The following RAB38 variants were observed in gnomAD, a reference collection of about 807,000 sequenced individuals.
The protein encoded by RAB38 is ras-related protein Rab-38.
In RAB38, 15 loss-of-function variants were observed where a neutral mutation model predicts 18.4. The observed-to-expected ratio is 0.82, with a 90% CI of 0.55 to 1.26. RAB38 has a LOEUF of 1.26. Ranked by LOEUF, RAB38 falls within the 50% of genes most tolerant of loss-of-function variation. The probability of loss-of-function intolerance (pLI) is 0.00; values close to 1 mark genes in which losing one functional copy is unlikely to be tolerated. For missense variants in RAB38, 294 were observed against 267.4 expected, an observed-to-expected ratio of 1.10 and a Z score of -0.69; for synonymous variants, 101 against 104.4, an observed-to-expected ratio of 0.97 and a Z score of 0.20.
At chr11:88,056,927 C>T in the RAB38 span, among the ~76,000 whole-genome samples, 2 of 152,156 alleles carry the variant, frequency 1.3e-5, no homozygotes, top group Admixed American at 6.5e-5. Flanking sequence ...TATATTAATG[C>T]TTATCTCCCA....
At chr11:88,007,150 A>G in the RAB38 span, among the ~76,000 whole-genome samples, 1 of 151,812 alleles carries the variant, frequency 6.6e-6, no homozygotes, top group Non-Finnish European at 1.5e-5. Flanking sequence ...ATAAATAAAA[A>G]GATAAAATTA....
the RAB38 span, among the ~76,000 whole-genome samples, chr11:87,876,449 T>C: frequency 6.6e-6 from 1 of 151,572 alleles, no homozygotes; most frequent in Non-Finnish European, 1.5e-5. Context: ...TTTGTATATC[T>C]AGTTCTGTCT....
At chr11:87,864,386 T>A in the RAB38 span, among the ~76,000 whole-genome samples, 1 of 151,072 alleles carries the variant, frequency 6.6e-6, no homozygotes, top group African/African-American at 2.4e-5. Flanking sequence ...CTGGGCCTAC[T>A]CAATACATGT....
chr11:88,024,235 G>C, the RAB38 span, among the ~76,000 whole-genome samples: 1 of 152,076 alleles, frequency 6.6e-6, no homozygotes, highest in Non-Finnish European at 1.5e-5. Flanking sequence ...GATTTGAATA[G>C]ACATTTCTCA....
the RAB38 span, among the ~76,000 whole-genome samples, chr11:87,857,736 T>C: frequency 6.6e-6 from 1 of 152,212 alleles, no homozygotes. Context: ...GTAAGTTTGT[T>C]TGAGTTCTTT....
At chr11:87,895,151 A>T in the RAB38 span, among the ~76,000 whole-genome samples, 1 of 151,620 alleles carries the variant, frequency 6.6e-6, no homozygotes, top group Non-Finnish European at 1.5e-5. Context: ...GAATTGCTCT[A>T]GCGGGGCCTC....
chr11:88,041,280 G>T, the RAB38 span, among the ~76,000 whole-genome samples: 1 of 152,080 alleles, frequency 6.6e-6, no homozygotes, highest in African/African-American at 2.4e-5. Flanking sequence ...CCCACTCACT[G>T]CCCTTCCCCT....
chr11:88,033,045 C>T, the RAB38 span, among the ~76,000 whole-genome samples: 2 of 151,970 alleles, frequency 1.3e-5, no homozygotes, highest in Admixed American at 1.3e-4. Flanking sequence ...TACTATGCAG[C>T]CATAAAAAAT....
chr11:87,817,609 T>C, the RAB38 span: 3 of 152,188 alleles, frequency 2.0e-5, no homozygotes, highest in African/African-American at 7.2e-5. Context: ...TTGTAAAACT[T>C]AGGATAAATA....
the RAB38 span, among the ~76,000 whole-genome samples, chr11:87,930,586 A>T: frequency 6.6e-6 from 1 of 151,992 alleles, no homozygotes; most frequent in Admixed American, 6.6e-5. Flanking sequence ...CCCATTTGTC[A>T]ATTTTGGCTT....
chr11:87,946,391 C>T, the RAB38 span, among the ~76,000 whole-genome samples: 14 of 151,814 alleles, frequency 9.2e-5, no homozygotes, highest in East Asian at 1.9e-4. Context: ...CCTCTAATTC[C>T]GATTTTTTTA....
At chr11:87,954,832 C>CT in the RAB38 span, among the ~76,000 whole-genome samples, 1 of 152,142 alleles carries the variant, frequency 6.6e-6, no homozygotes, top group African/African-American at 2.4e-5. Flanking sequence ...TAAAGACTCA[C>CT]CCTTTCATCT....
At chr11:88,152,140 A>G (rs1943069668) in intron 1 of RAB38, among the ~76,000 whole-genome samples, 1 of 152,170 alleles carries the variant, frequency 6.6e-6, no homozygotes, top group South Asian at 2.1e-4. Context: ...GACATTTCAG[A>G]AAAACAGGGG....
At chr11:87,857,619 G>T in the RAB38 span, among the ~76,000 whole-genome samples, 2 of 152,194 alleles carry the variant, frequency 1.3e-5, no homozygotes, top group African/African-American at 4.8e-5. Flanking sequence ...GGCCAGTGAT[G>T]ATGAGAATTT....
chr11:87,960,866 T>C, the RAB38 span, among the ~76,000 whole-genome samples: 16 of 152,296 alleles, frequency 1.1e-4, no homozygotes, highest in African/African-American at 3.6e-4. Context: ...TGTAGCATAG[T>C]AATGCCTTAC....
the RAB38 span, among the ~76,000 whole-genome samples, chr11:87,837,232 T>C: frequency 5.3e-5 from 8 of 152,204 alleles, no homozygotes; most frequent in Non-Finnish European, 8.8e-5. Context: ...TATACTTACA[T>C]AGCTCCCTAC....
At chr11:88,091,895 T>C in the RAB38 span, among the ~76,000 whole-genome samples, 1 of 151,896 alleles carries the variant, frequency 6.6e-6, no homozygotes, top group Non-Finnish European at 1.5e-5. Flanking sequence ...AGGCTCTTGG[T>C]AAACCCACTT....
At chr11:88,099,810 C>A in the RAB38 span, among the ~76,000 whole-genome samples, 1 of 151,728 alleles carries the variant, frequency 6.6e-6, no homozygotes, top group African/African-American at 2.4e-5. Context: ...CAAGGCATGT[C>A]TTTCGCTTGG....
the RAB38 span, among the ~76,000 whole-genome samples, chr11:88,024,327 A>G: frequency 1.3e-5 from 2 of 152,222 alleles, no homozygotes. Context: ...AATCAAAACT[A>G]TAATGAACTA....
Sources: gnomAD v4.1 joint callset for allele counts (sites outside exome capture counted in the v4.1 genomes callset) on GRCh38, gnomAD v4.1.1 for gene constraint, MANE v1.5 for transcripts, NCBI Gene and HGNC (gene_info 2026-07-23, HGNC 2026-07-21) for gene names.